NRAP: variants seen among roughly 807,000 people sequenced by gnomAD.
NRAP encodes nebulin related anchoring protein, also known as nebulin-related-anchoring protein.
A neutral mutation model predicts 225.9 loss-of-function variants in NRAP; 189 were observed. The observed-to-expected ratio is 0.84, with a 90% CI of 0.74 to 0.94. The LOEUF (loss-of-function observed/expected upper bound fraction) is 0.94. Among genes scored for constraint, NRAP ranks in the 40% least tolerant of loss-of-function variants. The pLI is 0.00. For missense variants in NRAP, 2,176 were observed against 2,168.7 expected (o/e 1.00, Z -0.07); for synonymous variants, 769 against 790.7 (o/e 0.97, Z 0.46).
chr10:113,590,212 T>G (rs1845881028), intron 40 of NRAP, among the ~76,000 whole-genome samples: 1 of 152,150 alleles, frequency 6.6e-6, no homozygotes, highest in African/African-American at 2.4e-5. Flanking sequence ...GCTTGGGCCC[T>G]CACAGCAAAC....
Position 113,645,960 on chromosome 10 carries a change from A to C in NRAP, c.994-19T>G. The C allele has an allele frequency of 5.8e-5, 75 of 1,291,008 alleles. No homozygotes were observed. Among genetic ancestry groups the C allele is most frequent in the Non-Finnish European group, 7.3e-5 (67 of 911,650 alleles). 80.0% of individuals were successfully genotyped at this position (1,291,008 alleles called of 1,614,324 possible). A position where few individuals can be genotyped will look rare whatever the true frequency, so the allele number is the denominator to read the frequency against. ...ATTTTATCTGAAAAAAAAAACACAA[A>C]ACGGGGCTGGAGTTGATGTTTCCAT... On this transcript the variant is annotated intron_variant, in intron 10 of 41. Coordinates refer to ENST00000359988, the MANE Select transcript of NRAP (RefSeq NM_198060.4).
At chr10:113,635,133 C>T (rs568061865) in intron 14 of NRAP, among the ~76,000 whole-genome samples, 6 of 152,324 alleles carry the variant, frequency 3.9e-5, no homozygotes, top group South Asian at 4.1e-4. Flanking sequence ...TACAAATTGC[C>T]CTTTCGAATA....
intron 4 of NRAP, among the ~76,000 whole-genome samples, chr10:113,655,643 A>T (rs569236719): frequency 7.2e-5 from 11 of 151,906 alleles, no homozygotes; most frequent in African/African-American, 2.7e-4. Context: ...TTTAGTAGAG[A>T]TGGGCCATGT....
intron 30 of NRAP, 54 bp from the exon 31 acceptor site, chr10:113,610,617 G>C: frequency 1.8e-6 from 2 of 1,129,324 alleles, no homozygotes; most frequent in Non-Finnish European, 2.7e-6. Context: ...TCAGAACAGG[G>C]AAGCAAAGCA....
At chr10:113,662,911 C>A in intron 2 of NRAP, 145 bp from the exon 3 acceptor site, 1 of 470,386 alleles carries the variant, frequency 2.1e-6, no homozygotes, top group Non-Finnish European at 3.7e-6. Context: ...TCGTGATTTT[C>A]CAGGCAATGC....
intron 41 of NRAP, 168 bp from the exon 42 acceptor site, chr10:113,589,247 G>T (rs1322071544): frequency 6.6e-6 from 4 of 605,938 alleles, no homozygotes; most frequent in Non-Finnish European, 1.2e-5. Flanking sequence ...CTTCAAGGCA[G>T]GAATGAGAAA....
intron 13 of NRAP, among the ~76,000 whole-genome samples, chr10:113,640,541 G>A (rs191295745): frequency 4.5e-4 from 68 of 152,150 alleles, no homozygotes; most frequent in African/African-American, 1.5e-3. Context: ...TCCATCTGTA[G>A]CACATTTACT....
chr10:113,653,812 C>A (rs1266313228), intron 5 of NRAP, among the ~76,000 whole-genome samples: 3 of 152,178 alleles, frequency 2.0e-5, no homozygotes, highest in Non-Finnish European at 2.9e-5. Flanking sequence ...ATTTCTAGTT[C>A]CTGCCCTACA....
intron 9 of NRAP, among the ~76,000 whole-genome samples, chr10:113,647,632 A>ACTGCCTCCCCCG (rs1564752936): frequency 1.1e-4 from 4 of 36,676 alleles, no homozygotes; most frequent in Admixed American, 3.6e-4. Context: ...TTCCTCCCCT[A>ACTGCCTCCCCCG]GTGGTACTGT....
chr10:113,612,514 G>A (rs2133935648), intron 29 of NRAP, 83 bp from the exon 30 acceptor site: 2 of 1,135,526 alleles, frequency 1.8e-6, no homozygotes, highest in African/African-American at 1.5e-5. Flanking sequence ...CTGCAATGCA[G>A]TTGTCTGGAG....
Position 113,634,193 on chromosome 10 carries a change from G to T in NRAP, c.1446C>A (p.Ser482Arg). The change falls in exon 15 of 42, where the codon AGC (serine) becomes AGA (arginine). Residue 482 changes from serine (S) to arginine (R), a missense_variant. By Grantham distance (110) the Ser-to-Arg change is moderately radical (BLOSUM62 -1). Around this residue, in one of 3 missense-constraint regions of NRAP, gnomAD observed 1,708 missense variants for 1,695.5 expected, o/e 1.01. Transcript: ENST00000359988. ...CCGAGCTGTACTTCAACTTGTCGAT[G>T]CTCTGCCTATAATTGGCCTAGGTAA... ...VPLKDANYRQSIDKLKYSSVT... is the reference protein window; with the variant it reads ...VPLKDANYRQRIDKLKYSSVT... The T allele has an allele frequency of 1.2e-6, 2 of 1,612,424 alleles. No homozygotes were observed. The highest frequency in any genetic ancestry group is 1.7e-6 in the Non-Finnish European group (2 of 1,178,494).
chr10:113,617,229 G>T (rs552652255), intron 26 of NRAP, among the ~76,000 whole-genome samples: 1 of 152,188 alleles, frequency 6.6e-6, no homozygotes, highest in African/African-American at 2.4e-5. Context: ...AGCATCTTGG[G>T]GCAGTGGGGT....
At position 113,608,487 on chromosome 10, in the gene NRAP, G is replaced by A. The variant is rs769163552; in HGVS notation, c.3629C>T (p.Ser1210Leu). ...SESKYRQHPH[S>L]FKYTAVTDTP... ...GTCTGTCACAGCTGTGTACTTGAATGAGTGGGGATGCTGCCGATATTTACT... is the reference window on the plus strand; with the variant it reads ...GTCTGTCACAGCTGTGTACTTGAATAAGTGGGGATGCTGCCGATATTTACT... The change falls in exon 32 of 42, where the codon TCA becomes TTA. Residue 1210 changes from serine to leucine, a missense_variant. Ser to Leu is a moderately radical substitution (Grantham distance 145). Transcript: ENST00000359988. 1.9e-6 allele frequency: 3 copies of A among 1,612,526 alleles called. No homozygotes were observed. Among genetic ancestry groups the A allele is most frequent in the Non-Finnish European group, 2.5e-6 (3 of 1,178,766 alleles).
chr10:113,655,817 G>A (rs1850275303), intron 4 of NRAP, among the ~76,000 whole-genome samples: 1 of 152,158 alleles, frequency 6.6e-6, no homozygotes, highest in African/African-American at 2.4e-5. Flanking sequence ...GGATGCTGAT[G>A]TAGAAATATT....
intron 38 of NRAP, among the ~76,000 whole-genome samples, 200 bp downstream of exon 38, chr10:113,595,423 T>C (rs1846231107): frequency 6.6e-6 from 1 of 151,994 alleles, no homozygotes; most frequent in African/African-American, 2.4e-5. Context: ...CCCATTACCA[T>C]TTTGCAGATA....
At chr10:113,609,774 G>T (rs905690004) in intron 31 of NRAP, among the ~76,000 whole-genome samples, 2 of 152,132 alleles carry the variant, frequency 1.3e-5, no homozygotes, top group African/African-American at 4.8e-5. Flanking sequence ...TGCTGGCCTG[G>T]AATGTCAATC....
intron 11 of NRAP, among the ~76,000 whole-genome samples, chr10:113,643,494 T>C (rs1015182525): frequency 2.6e-5 from 4 of 152,248 alleles, no homozygotes; most frequent in African/African-American, 7.2e-5. Flanking sequence ...TTATGATGTA[T>C]GCACATCTTT....
chr10:113,604,917 GA>G lies in NRAP; in HGVS notation c.3918del (p.Leu1307SerfsTer7), dbSNP rs1427780002. On this transcript the variant is annotated frameshift_variant and splice_region_variant, in exon 35 of 42. Coordinates refer to ENST00000359988, the MANE Select transcript of NRAP (RefSeq NM_198060.4). LOFTEE classifies it high-confidence loss of function. ...TCCTTCACAAAGTCATGTCTGTAGA[GA>G]AACTGCAAGAAAGGGCTGGCCGGTC... ...ARASGDIASD[F>X]LYRHDFVKER... The G allele has an allele frequency of 6.2e-7, 1 of 1,608,646 alleles. No homozygotes were observed. The highest frequency in any genetic ancestry group is 1.7e-4 in the Middle Eastern group (1 of 6,034).
At chr10:113,593,171 A>G (rs571162020) in intron 38 of NRAP, among the ~76,000 whole-genome samples, 1 of 152,280 alleles carries the variant, frequency 6.6e-6, no homozygotes, top group East Asian at 1.9e-4. Context: ...CATCACCAAC[A>G]GATGACAAAG....
Sources: allele counts gnomAD v4.1 joint callset (sites outside exome capture counted in the v4.1 genomes callset), GRCh38; gene constraint gnomAD v4.1.1; regional missense constraint gnomAD v4.1.1; transcripts MANE v1.5; gene names NCBI Gene and HGNC (gene_info 2026-07-23, HGNC 2026-07-21).